Variants in TCF7L2 observed in about 807,000 individuals in gnomAD.
TCF7L2 encodes transcription factor 7-like 2.
A neutral mutation model predicts 77.9 loss-of-function variants in TCF7L2; 23 were observed. The observed-to-expected ratio is 0.30, with a 90% CI of 0.21 to 0.42. TCF7L2 has a LOEUF of 0.42. TCF7L2 is among the 10% of genes least tolerant of loss of function. TCF7L2 has a pLI of 1.00. For synonymous variants in TCF7L2, 413 were observed against 340.2 expected, an observed-to-expected ratio of 1.21 and a Z score of -2.36; for missense variants, 654 against 793.1, an observed-to-expected ratio of 0.82 and a Z score of 2.11.
At chr10:112,989,395 TATA>T (rs948482747) in intron 4 of TCF7L2, among the ~76,000 whole-genome samples, 12 of 152,094 alleles carry the variant, frequency 7.9e-5, no homozygotes, top group African/African-American at 2.9e-4. Context: ...CAAAACACTT[TATA>T]AAGTTACATG....
chr10:113,165,658 C>T lies in TCF7L2; in HGVS notation c.1495C>T (p.Leu499=), dbSNP rs2073999028. 1 of 1,611,502 alleles carries T rather than the reference C, an allele frequency of 6.2e-7. No homozygotes were observed. The highest frequency in any genetic ancestry group is 8.5e-7 in the Non-Finnish European group (1 of 1,178,888). ...AGATTCGCCTCCCCCCTCCCCGAAC[C>T]TGCTAGGCTCCCCTCCCCGAGACGC... The change falls in exon 14 of 14, where the codon CTG becomes TTG. Residue 499 remains leucine, a synonymous_variant. Coordinates refer to ENST00000627217, the MANE Select transcript of TCF7L2 (RefSeq NM_001146274.2).
In TCF7L2 at chr10:113,166,554, T is replaced by G. The variant is rs544523714; in HGVS notation, c.*582T>G. 59 of 227,020 alleles carry G rather than the reference T, an allele frequency of 2.6e-4. No individual in the cohort carries two copies. The highest frequency in any genetic ancestry group is 1.3e-3 in the African/African-American group (58 of 45,110). 14.1% of individuals were successfully genotyped at this position (227,020 alleles called of 1,614,324 possible). ...GTAAAAATGTGTTAATATACCTTGT[T>G]CCATGGTGTTGTTCTTTTGGGGGGA... is the stretch of plus-strand genomic sequence containing the variant. On this transcript the variant is annotated 3_prime_UTR_variant, in exon 14 of 14. Coordinates refer to ENST00000627217, the MANE Select transcript of TCF7L2 (RefSeq NM_001146274.2).
At chr10:112,994,030 G>C (rs376060941) in intron 4 of TCF7L2, among the ~76,000 whole-genome samples, 8 of 151,624 alleles carry the variant, frequency 5.3e-5, no homozygotes, top group African/African-American at 1.9e-4. Flanking sequence ...ACTCCAGCCT[G>C]GGCGGCAGAG....
chr10:113,011,339 G>T (rs58858006), intron 4 of TCF7L2, among the ~76,000 whole-genome samples: 5,413 of 152,242 alleles, frequency 0.036, 361 homozygotes, highest in African/African-American at 0.12. Context: ...AGATCTGGTG[G>T]TAGTGGGGGG....
intron 13 of TCF7L2, among the ~76,000 whole-genome samples, chr10:113,164,959 T>C (rs2073857705): frequency 6.6e-6 from 1 of 152,122 alleles, no homozygotes; most frequent in South Asian, 2.1e-4. Flanking sequence ...AGCGCTGCCT[T>C]CAGCTATGTG....
intron 5 of TCF7L2, among the ~76,000 whole-genome samples, chr10:113,049,347 A>G (rs902870336): frequency 1.3e-5 from 2 of 152,030 alleles, no homozygotes; most frequent in African/African-American, 4.8e-5. Flanking sequence ...GTAAAGCTCA[A>G]CAACATCGAC....
rs34087825 is a variant in TCF7L2, at chr10:113,063,893, C to CGTGTGTGTGT, written c.552+23788_552+23797dup. Reference sequence around the variant, plus strand: ...TATGTGTGTGTGCACATGGATGTGGCGTGTGTGTGTGTGTGTGTGTGTGTG... The same window carrying CGTGTGTGTGT: ...TATGTGTGTGTGCACATGGATGTGGCGTGTGTGTGTGTGTGTGTGTGTGTGTGTGTGTGTG... On this transcript the variant is annotated intron_variant, in intron 5 of 13. Transcript: ENST00000627217. 1.9e-3 allele frequency among the ~76,000 whole-genome samples: 276 copies of CGTGTGTGTGT among 147,158 alleles called. 1 individual carries two copies. The highest frequency in any genetic ancestry group is 4.6e-3 in the African/African-American group (182 of 39,686).
intron 4 of TCF7L2, among the ~76,000 whole-genome samples, chr10:112,968,363 C>A (rs1448586088): frequency 6.6e-6 from 1 of 152,138 alleles, no homozygotes; most frequent in Non-Finnish European, 1.5e-5. Flanking sequence ...GGATGAAGAC[C>A]TTTATGATGA....
At chr10:113,043,698 C>A (rs1218991161) in intron 5 of TCF7L2, among the ~76,000 whole-genome samples, 1 of 152,106 alleles carries the variant, frequency 6.6e-6, no homozygotes, top group African/African-American at 2.4e-5. Context: ...CCTCCCCAGT[C>A]CTATTTTCGC....
chr10:113,113,094 G>A (rs562724695), intron 5 of TCF7L2, among the ~76,000 whole-genome samples: 10 of 152,158 alleles, frequency 6.6e-5, no homozygotes, highest in African/African-American at 2.4e-4. Context: ...TAGTTAATTA[G>A]GGACCTCATG....
chr10:113,157,187 C>T lies in TCF7L2; in HGVS notation c.1270-834C>T, dbSNP rs371831112. Among the ~76,000 whole-genome samples, 168 of 152,338 alleles carry T rather than the reference C, an allele frequency of 1.1e-3. 3 individuals are homozygous for T. The South Asian group carries it at 0.033, about 30-fold the overall frequency. On this transcript the variant is annotated intron_variant, in intron 11 of 13. Coordinates refer to ENST00000627217, the MANE Select transcript of TCF7L2 (RefSeq NM_001146274.2). ...AGGCTGGCATGCAGTAGCATGATCT[C>T]GGCTCACTGCAACCTCCGCCTTCTG...
At chr10:112,976,985 T>G (rs2039540844) in intron 4 of TCF7L2, among the ~76,000 whole-genome samples, 1 of 152,188 alleles carries the variant, frequency 6.6e-6, no homozygotes, top group African/African-American at 2.4e-5. Context: ...CTTTTTTTTT[T>G]TTTTTTAAAT....
At chr10:113,103,940 G>T (rs1023990907) in intron 5 of TCF7L2, among the ~76,000 whole-genome samples, 3 of 152,166 alleles carry the variant, frequency 2.0e-5, no homozygotes, top group Non-Finnish European at 4.4e-5. Flanking sequence ...TGGGACTCTT[G>T]GTTTCTTAGC....
chr10:113,020,655 C>T (rs2048133770), intron 4 of TCF7L2, among the ~76,000 whole-genome samples: 2 of 152,134 alleles, frequency 1.3e-5, no homozygotes, highest in African/African-American at 4.8e-5. Flanking sequence ...AGTCTAAGTA[C>T]TTTTCAAATA....
chr10:113,034,052 G>A (rs767570906), intron 4 of TCF7L2, among the ~76,000 whole-genome samples: 2 of 152,144 alleles, frequency 1.3e-5, no homozygotes, highest in Non-Finnish European at 2.9e-5. Context: ...AAAATTATTT[G>A]TTTATAGAAG....
rs369602107 is a variant in TCF7L2, at chr10:113,144,005, G to A, written c.768G>A (p.Pro256=). The A allele has an allele frequency of 5.1e-5, 83 of 1,613,114 alleles. No individual in the cohort carries two copies. The East Asian group carries it at 9.4e-4, about 18-fold the overall frequency. Residue 256 remains proline, a synonymous_variant, in exon 7 of 14, where the codon CCG becomes CCA. Coordinates refer to ENST00000627217, the MANE Select transcript of TCF7L2 (RefSeq NM_001146274.2). ...GCACCGTAGGACAAATCCCCCATCC[G>A]CTAGGATGGTTAGTACCACAGTAAG... is the stretch of plus-strand genomic sequence containing the variant.
At chr10:113,154,958 G>T (rs1450889109) in intron 11 of TCF7L2, among the ~76,000 whole-genome samples, 3 of 149,618 alleles carry the variant, frequency 2.0e-5, no homozygotes, top group African/African-American at 7.4e-5. Flanking sequence ...TTATGGATTT[G>T]AATGTGGTAG....
At chr10:113,115,450 A>C (rs2063594331) in intron 5 of TCF7L2, among the ~76,000 whole-genome samples, 1 of 152,220 alleles carries the variant, frequency 6.6e-6, no homozygotes, top group Non-Finnish European at 1.5e-5. Context: ...AAGATGATCA[A>C]ATCTTGTATC....
At chr10:113,159,803 A>AT in intron 12 of TCF7L2, 117 bp from the exon 14 acceptor site, 1 of 452,560 alleles carries the variant, frequency 2.2e-6, no homozygotes, top group Non-Finnish European at 3.7e-6. Context: ...TTTTATTTTT[A>AT]TTTTTTTCTT....
Sources: allele counts gnomAD v4.1 joint callset (sites outside exome capture counted in the v4.1 genomes callset), GRCh38; gene constraint gnomAD v4.1.1; transcripts MANE v1.5; gene names NCBI Gene and HGNC (gene_info 2026-07-23, HGNC 2026-07-21).